The following FNBP1 variants were observed in gnomAD, a reference collection of about 807,000 sequenced individuals.
The protein encoded by FNBP1 is formin binding protein 1, also known as formin-binding protein 1.
FNBP1 carries 26 observed loss-of-function variants against 90.6 expected under a neutral mutation model. The ratio of observed to expected loss-of-function variants is 0.29; its 90% confidence interval spans 0.21 to 0.40. The LOEUF is 0.40. Among genes scored for constraint, FNBP1 ranks in the 10% least tolerant of loss-of-function variants. FNBP1 has a pLI of 1.00. For synonymous variants in FNBP1, 260 were observed against 265.2 expected (o/e 0.98, Z 0.19); for missense variants, 635 against 768.0 (o/e 0.83, Z 2.05).
intron 1 of FNBP1, among the ~76,000 whole-genome samples, chr9:130,024,624 T>G (rs755053297): frequency 6.6e-6 from 1 of 152,194 alleles, no homozygotes; most frequent in Non-Finnish European, 1.5e-5. Context: ...CTCTCTAGGG[T>G]TTTCTTCCAT....
At chr9:129,902,787 C>A in intron 13 of FNBP1, 82 bp downstream of exon 13, 1 of 1,407,596 alleles carries the variant, frequency 7.1e-7, no homozygotes. Context: ...GTGAGAGGAT[C>A]GTCAGGGCCC....
chr9:129,895,965 T>C lies in FNBP1; in HGVS notation c.1719A>G (p.Glu573=). 6.2e-7 allele frequency: 1 copy of C among 1,610,416 alleles called. No individual in the cohort carries two copies. Among genetic ancestry groups the C allele is most frequent in the Non-Finnish European group, 8.5e-7 (1 of 1,178,896 alleles). The change falls in exon 16 of 17, where the codon GAA becomes GAG. Residue 573 remains glutamate, a synonymous_variant. Transcript: ENST00000446176. ...CCTCTATGACATACAATGTTTCTCC[T>C]TCAACTACGGAAATCGTTCCTTCAT... ...GQNEGTISVV[E]GETLYVIEED... is the part of the protein sequence containing the mutation.
intron 4 of FNBP1, among the ~76,000 whole-genome samples, chr9:129,972,196 C>T (rs2049560425): frequency 6.6e-6 from 1 of 151,990 alleles, no homozygotes; most frequent in Non-Finnish European, 1.5e-5. Flanking sequence ...TGCAGTGGCA[C>T]AATCTCAGCT....
intron 2 of FNBP1, among the ~76,000 whole-genome samples, chr9:129,988,063 T>C (rs1472977980): frequency 6.6e-6 from 1 of 151,978 alleles, no homozygotes; most frequent in Admixed American, 6.6e-5. Flanking sequence ...CTAAGAGAAA[T>C]GCAATTTAAG....
At chr9:129,913,569 G>C (rs374478761) in intron 11 of FNBP1, among the ~76,000 whole-genome samples, 17 of 152,054 alleles carry the variant, frequency 1.1e-4, no homozygotes, top group South Asian at 6.2e-4. Flanking sequence ...TCAGGAGCTC[G>C]AGATTAGCCT....
chr9:129,947,436 G>A (rs748949892), intron 6 of FNBP1, among the ~76,000 whole-genome samples: 9 of 119,454 alleles, frequency 7.5e-5, no homozygotes, highest in African/African-American at 1.1e-4. Context: ...GTAAAACTCC[G>A]TCTCAAAAAA....
chr9:129,900,337 T>A lies in FNBP1; in HGVS notation c.1550+89A>T. On this transcript the variant is annotated intron_variant, in intron 14 of 16. Transcript: ENST00000446176. The surrounding 1 kb of genome is among the most constrained non-coding windows in gnomAD (Gnocchi z 4.1). Reference sequence around the variant, plus strand: ...GACATTTTGGCATTGAACAAGTGCCTTATGGTCATTCCAGATTCCAAAATT... The same window carrying A: ...GACATTTTGGCATTGAACAAGTGCCATATGGTCATTCCAGATTCCAAAATT... 1 of 1,362,208 alleles carries A rather than the reference T, an allele frequency of 7.3e-7. No homozygotes were observed. Among genetic ancestry groups the A allele is most frequent in the Non-Finnish European group, 9.7e-7 (1 of 1,029,562 alleles). The allele number at this position is 1,362,208 out of a possible 1,614,324, so 84.4% of individuals were successfully genotyped here.
intron 4 of FNBP1, among the ~76,000 whole-genome samples, chr9:129,977,463 T>C (rs1016817001): frequency 6.6e-6 from 1 of 150,766 alleles, no homozygotes; most frequent in African/African-American, 2.4e-5. Context: ...TTCCATTTTT[T>C]TGACCTACTT....
chr9:129,898,541 A>G (rs952160503), intron 15 of FNBP1, among the ~76,000 whole-genome samples: 1 of 151,288 alleles, frequency 6.6e-6, no homozygotes, highest in African/African-American at 2.4e-5. Context: ...GCCAGGCTGG[A>G]GTAAAGTGGC....
chr9:129,965,783 AAGGAGGGAGGGAGGGG>A (rs1564453478), intron 4 of FNBP1, among the ~76,000 whole-genome samples: 2 of 76,770 alleles, frequency 2.6e-5, no homozygotes, highest in African/African-American at 1.1e-4. Context: ...GAAGGGAGGG[AAGGAGGGAGGGAGGGG>A]GGAAGGAGGG....
At chr9:129,904,241 A>C (rs952276468) in intron 12 of FNBP1, among the ~76,000 whole-genome samples, 1 of 152,332 alleles carries the variant, frequency 6.6e-6, no homozygotes, top group East Asian at 1.9e-4. Flanking sequence ...TATCCACGAC[A>C]GGTAAGTGAC....
At chr9:129,909,032 A>G in intron 11 of FNBP1, 33 bp from the exon 12 acceptor site, 1 of 1,491,430 alleles carries the variant, frequency 6.7e-7, no homozygotes, top group Non-Finnish European at 9.3e-7. Flanking sequence ...GAAACCAGAA[A>G]GCCCCAGGCT....
At chr9:129,972,535 C>CTTTTTT (rs368848660) in intron 4 of FNBP1, among the ~76,000 whole-genome samples, 1 of 139,906 alleles carries the variant, frequency 7.1e-6, no homozygotes. Context: ...TTTTCTTTTT[C>CTTTTTT]TTTTTTTTTT....
chr9:129,898,917 G>A (rs1428737179), intron 15 of FNBP1, among the ~76,000 whole-genome samples: 1 of 151,928 alleles, frequency 6.6e-6, no homozygotes, highest in Non-Finnish European at 1.5e-5. Flanking sequence ...TTAAATGAAT[G>A]GATGAAATGA....
At chr9:129,951,446 T>G (rs1220225577) in intron 6 of FNBP1, among the ~76,000 whole-genome samples, 1 of 151,472 alleles carries the variant, frequency 6.6e-6, no homozygotes, top group African/African-American at 2.4e-5. Flanking sequence ...ATTTATTTGT[T>G]TGTTTGTTTG....
In FNBP1 at chr9:129,925,057, T is replaced by C; in HGVS notation, c.890A>G (p.Asp297Gly). The change falls in exon 9 of 17, where the codon GAT (aspartate) becomes GGT (glycine). Residue 297 changes from aspartate (D) to glycine (G), a missense_variant. Coordinates refer to ENST00000446176, the MANE Select transcript of FNBP1 (RefSeq NM_015033.3). The stretch of plus-strand genomic sequence containing the variant: ...TCCTCTGGAATTTGAAAGGCTGTTA[T>C]CTGACACAGTGCGCTTCATTGGCTG... ...YTQPMKRTVS[D>G]NSLSNSRGEG... 6.2e-7 allele frequency: 1 copy of C among 1,614,008 alleles called. No homozygotes were observed. Among genetic ancestry groups the C allele is most frequent in the East Asian group, 2.2e-5 (1 of 44,884 alleles).
At chr9:130,022,081 A>G (rs1471075464) in intron 1 of FNBP1, among the ~76,000 whole-genome samples, 1 of 151,432 alleles carries the variant, frequency 6.6e-6, no homozygotes, top group Admixed American at 6.6e-5. Flanking sequence ...CTGGTCTCAA[A>G]CTCCTGGGCT....
In FNBP1 at chr9:129,929,588, A is replaced by G; in HGVS notation, c.621T>C (p.Thr207=). 1 of 1,613,802 alleles carries G rather than the reference A, an allele frequency of 6.2e-7. No individual in the cohort carries two copies. The highest frequency in any genetic ancestry group is 1.3e-5 in the African/African-American group (1 of 75,050). The change falls in exon 7 of 17, where the codon ACT becomes ACC. Residue 207 remains threonine (T), a synonymous_variant. Coordinates refer to ENST00000446176, the MANE Select transcript of FNBP1 (RefSeq NM_015033.3). ...TTACCTGGAAGATGTTGGGGATGTGAGTATGGTAATATTCATGCTGCTCAT... is the reference window on the plus strand; with the variant it reads ...TTACCTGGAAGATGTTGGGGATGTGGGTATGGTAATATTCATGCTGCTCAT... The part of the protein sequence containing the change: ...FNHEQHEYYH[T]HIPNIFQKIQ...
At chr9:129,892,366 G>GACAC (rs3138855) in intron 16 of FNBP1, among the ~76,000 whole-genome samples, 1,546 of 103,434 alleles carry the variant, frequency 0.015, 40 homozygotes, top group African/African-American at 0.059. Flanking sequence ...GCACATCGTA[G>GACAC]ACACACACAC....
Sources: gnomAD v4.1 joint callset for allele counts (sites outside exome capture counted in the v4.1 genomes callset) on GRCh38, gnomAD v4.1.1 for gene constraint, Gnocchi (gnomAD v3.1) non-coding constraint, MANE v1.5 for transcripts, NCBI Gene and HGNC (gene_info 2026-07-23, HGNC 2026-07-21) for gene names.